Variants in CDC42BPA observed in about 807,000 individuals in gnomAD.
CDC42BPA encodes the protein CDC42 binding protein kinase alpha, also known as serine/threonine-protein kinase MRCK alpha.
CDC42BPA carries 80 observed loss-of-function variants against 223.5 expected under a neutral mutation model. The observed-to-expected ratio is 0.36, with a 90% CI of 0.30 to 0.43. The LOEUF (loss-of-function observed/expected upper bound fraction) is 0.43, where lower values mean the gene tolerates loss of function less well. Ranked by LOEUF, CDC42BPA falls within the 20% of genes least tolerant of loss-of-function variation. The pLI, the probability that CDC42BPA is intolerant of heterozygous loss-of-function variation, is 1.00. For missense variants in CDC42BPA, 1,743 were observed against 2,099.9 expected, an observed-to-expected ratio of 0.83 and a Z score of 3.32; for synonymous variants, 694 against 718.6, an observed-to-expected ratio of 0.97 and a Z score of 0.55.
chr1:227,230,638 G>A (rs1281958240), intron 2 of CDC42BPA, among the ~76,000 whole-genome samples: 6 of 151,966 alleles, frequency 3.9e-5, no homozygotes, highest in African/African-American at 1.5e-4. Context: ...TTTGAATACA[G>A]AGGAATTCTA....
intron 15 of CDC42BPA, among the ~76,000 whole-genome samples, chr1:227,097,691 T>G (rs979518162): frequency 6.6e-6 from 1 of 152,102 alleles, no homozygotes; most frequent in African/African-American, 2.4e-5. Flanking sequence ...GGCAAAATGG[T>G]GGAGTTTAAC....
intron 23 of CDC42BPA, among the ~76,000 whole-genome samples, chr1:227,042,296 TGA>T (rs1491362179): frequency 5.1e-5 from 2 of 39,438 alleles, no homozygotes; most frequent in East Asian, 1.8e-3. Flanking sequence ...TATACATATA[TGA>T]TATATATATA....
intron 5 of CDC42BPA, among the ~76,000 whole-genome samples, chr1:227,165,780 T>C (rs12123597): frequency 0.11 from 17,011 of 152,192 alleles, 1,213 homozygotes; most frequent in South Asian, 0.21. Flanking sequence ...ATTAGAGATA[T>C]GGGGCTAAAT....
At chr1:227,210,520 A>C (rs1490555509) in intron 3 of CDC42BPA, among the ~76,000 whole-genome samples, 1 of 152,164 alleles carries the variant, frequency 6.6e-6, no homozygotes, top group Non-Finnish European at 1.5e-5. Context: ...AGAATATATA[A>C]ATACTTGTTA....
chr1:227,059,374 C>A (rs200398305), intron 21 of CDC42BPA: 1 of 1,562,492 alleles, frequency 6.4e-7, no homozygotes. Flanking sequence ...GTCTCTTACA[C>A]GTCTGCCTTT....
chr1:227,154,774 T>C (rs148923113), intron 6 of CDC42BPA, among the ~76,000 whole-genome samples: 1 of 152,206 alleles, frequency 6.6e-6, no homozygotes, highest in East Asian at 1.9e-4. Flanking sequence ...TTCCATGTTA[T>C]AGACATAAAT....
intron 1 of CDC42BPA, among the ~76,000 whole-genome samples, chr1:227,279,595 A>G (rs1005622921): frequency 9.9e-5 from 15 of 152,268 alleles, no homozygotes; most frequent in African/African-American, 3.6e-4. Context: ...TTGTAATTCC[A>G]AAAGATATAT....
chr1:227,213,192 C>G lies in CDC42BPA; in HGVS notation c.298G>C (p.Asp100His), dbSNP rs1674235154. 3 of 1,568,914 alleles carry G rather than the reference C, an allele frequency of 1.9e-6. No homozygotes were observed. Among genetic ancestry groups the G allele is most frequent in the Non-Finnish European group, 1.7e-6 (2 of 1,146,798 alleles). ...AATATTTTCATGGCAAACACTTTAT[C>G]TGCATTTTTTAGTTTTACTACAGCA... ...EVAVVKLKNA[D>H]KVFAMKILNK... The change falls in exon 3 of 37, where the codon GAT becomes CAT. Residue 100 changes from aspartate (D) to histidine (H), a missense_variant. Physicochemically the swap from Asp to His is moderately conservative, Grantham distance 81. Transcript: ENST00000366766.
chr1:227,085,372 T>C (rs528980137), intron 16 of CDC42BPA, among the ~76,000 whole-genome samples: 75 of 152,214 alleles, frequency 4.9e-4, no homozygotes, highest in Non-Finnish European at 9.7e-4. Context: ...TTTTTAAAAA[T>C]AGCCATTTAA....
At chr1:227,062,850 T>G (rs1676211385) in intron 21 of CDC42BPA, among the ~76,000 whole-genome samples, 1 of 152,078 alleles carries the variant, frequency 6.6e-6, no homozygotes, top group Non-Finnish European at 1.5e-5. Context: ...AAAAACTTTT[T>G]TGGCTATCTC....
rs201630392 is a variant in CDC42BPA, at chr1:227,313,562, TTA to T, written c.178+3441_178+3442del. 2.6e-4 allele frequency among the ~76,000 whole-genome samples: 40 copies of T among 152,310 alleles called. 3 individuals carry two copies. The East Asian group carries it at 7.5e-3, about 29-fold the overall frequency. On this transcript the variant is annotated intron_variant, in intron 1 of 36. Transcript: ENST00000366766. Reference sequence around the variant, plus strand: ...ACAAGTACCCAACCAATATTGCTGATTATTCTAGTTGAGAACTTAAATAAAAT... The same window carrying T: ...ACAAGTACCCAACCAATATTGCTGATTTCTAGTTGAGAACTTAAATAAAAT...
At chr1:227,306,589 T>C (rs1692593421) in intron 1 of CDC42BPA, among the ~76,000 whole-genome samples, 1 of 152,220 alleles carries the variant, frequency 6.6e-6, no homozygotes, top group Non-Finnish European at 1.5e-5. Flanking sequence ...CCTGAAAATA[T>C]TATTGTAGTT....
At chr1:227,112,007 G>C (rs939726555) in intron 14 of CDC42BPA, 2 of 211,302 alleles carry the variant, frequency 9.5e-6, no homozygotes, top group Non-Finnish European at 1.9e-5. Context: ...GATATATAGA[G>C]GGTCTGGATA....
At chr1:227,074,977 A>G (rs1679161941) in intron 17 of CDC42BPA, among the ~76,000 whole-genome samples, 1 of 152,204 alleles carries the variant, frequency 6.6e-6, no homozygotes, top group African/African-American at 2.4e-5. Flanking sequence ...TTTTCAAATT[A>G]TATTTAGTAA....
intron 6 of CDC42BPA, among the ~76,000 whole-genome samples, chr1:227,159,037 T>C (rs1663354934): frequency 6.6e-6 from 1 of 152,228 alleles, no homozygotes; most frequent in Non-Finnish European, 1.5e-5. Flanking sequence ...TGCTGCCTGT[T>C]GTCCACTGCT....
chr1:227,230,812 C>CTTTTTTTTTTTTTTTTT (rs1309498246), intron 2 of CDC42BPA, among the ~76,000 whole-genome samples: 6 of 111,758 alleles, frequency 5.4e-5, no homozygotes, highest in Non-Finnish European at 1.1e-4. Flanking sequence ...TTTCTTTTTT[C>CTTTTTTTTTTTTTTTTT]TTTCTTTCTT....
chr1:227,232,664 G>A (rs1558826268), intron 2 of CDC42BPA, among the ~76,000 whole-genome samples: 1 of 152,198 alleles, frequency 6.6e-6, no homozygotes, highest in Non-Finnish European at 1.5e-5. Flanking sequence ...GTCTGTTGGA[G>A]TTTGCTGGAG....
At chr1:227,240,860 A>G (rs1306119252) in intron 2 of CDC42BPA, among the ~76,000 whole-genome samples, 1 of 152,044 alleles carries the variant, frequency 6.6e-6, no homozygotes, top group Admixed American at 6.6e-5. Flanking sequence ...GAAAATACTA[A>G]CTGTAATAGA....
intron 11 of CDC42BPA, among the ~76,000 whole-genome samples, chr1:227,121,474 T>C (rs141064664): frequency 2.0e-3 from 309 of 152,296 alleles, no homozygotes; most frequent in Non-Finnish European, 3.4e-3. Flanking sequence ...GTGCAATAAA[T>C]TGATAGATTT....
Sources: allele counts gnomAD v4.1 joint callset (sites outside exome capture counted in the v4.1 genomes callset), GRCh38; gene constraint gnomAD v4.1.1; transcripts MANE v1.5; gene names NCBI Gene and HGNC (gene_info 2026-07-23, HGNC 2026-07-21).